Variants in GFOD1 observed in about 807,000 individuals in gnomAD.
The protein encoded by GFOD1 is glucose-fructose oxidoreductase domain-containing protein 1.
In GFOD1, 9 loss-of-function variants were observed where a neutral mutation model predicts 25.4. The observed-to-expected ratio is 0.35, with a 90% CI of 0.21 to 0.62. GFOD1 has a LOEUF of 0.62. Ranked by LOEUF, GFOD1 falls within the 20% of genes least tolerant of loss-of-function variation. GFOD1 has a pLI of 0.72. For synonymous variants in GFOD1, 253 were observed against 245.6 expected (o/e 1.03, Z -0.28); for missense variants, 403 against 556.9 (o/e 0.72, Z 2.78).
At chr6:13,437,197 C>T (rs1757847085) in intron 1 of GFOD1, among the ~76,000 whole-genome samples, 1 of 152,048 alleles carries the variant, frequency 6.6e-6, no homozygotes, top group Admixed American at 6.5e-5. Context: ...CTCCCAATAC[C>T]CAACCTGGTA....
chr6:13,390,835 A>G (rs1466041598), intron 1 of GFOD1, among the ~76,000 whole-genome samples: 1 of 125,910 alleles, frequency 7.9e-6, no homozygotes, highest in African/African-American at 2.7e-5. Context: ...AAGGATAATA[A>G]CAGTATCTAC....
chr6:13,462,982 T>C (rs1758317661), intron 1 of GFOD1, among the ~76,000 whole-genome samples: 1 of 152,230 alleles, frequency 6.6e-6, no homozygotes, highest in Non-Finnish European at 1.5e-5. Context: ...TCAGCGAAGA[T>C]GGGCTGCTAA....
Position 13,364,766 on chromosome 6 carries a change from T to C in GFOD1, c.1150A>G (p.Ser384Gly), listed in dbSNP as rs756599227. 6.2e-6 allele frequency: 10 copies of C among 1,613,160 alleles called. No individual in the cohort carries two copies. Among genetic ancestry groups the C allele is most frequent in the Non-Finnish European group, 8.5e-6 (10 of 1,179,692 alleles). Residue 384 changes from serine (S) to glycine (G), a missense_variant, in exon 2 of 2, where the codon AGC becomes GGC. Coordinates refer to ENST00000379287, the MANE Select transcript of GFOD1 (RefSeq NM_018988.4). This position sits in a 1 kb window ranked among gnomAD's most constrained non-coding sequence, Gnocchi z 4.1. Reference sequence around the variant, plus strand: ...TGCTAACAGTAGAGGGACATCCTGCTGCGGCGCATGGCCTCGCTGATCAGG... The same window carrying C: ...TGCTAACAGTAGAGGGACATCCTGCCGCGGCGCATGGCCTCGCTGATCAGG... ...AYLISEAMRRSRMSLYC is the reference protein window; with the variant it reads ...AYLISEAMRRGRMSLYC
At position 13,486,175 on chromosome 6, in the gene GFOD1, T is replaced by C. The variant is rs917584561; in HGVS notation, c.253+463A>G. On this transcript the variant is annotated intron_variant, in intron 1 of 1. Coordinates refer to ENST00000379287, the MANE Select transcript of GFOD1 (RefSeq NM_018988.4). ...AACCCGACACACGTGTGCGGCCTTTTATTCAGGCGTTTCTGGGCGCGCACT... is the reference window on the plus strand; with the variant it reads ...AACCCGACACACGTGTGCGGCCTTTCATTCAGGCGTTTCTGGGCGCGCACT... 79 of 991,090 alleles carry C rather than the reference T, an allele frequency of 8.0e-5. No homozygotes were observed. The African/African-American group carries it at 1.1e-3, about 14-fold the overall frequency. The allele number at this position is 991,090 out of a possible 1,614,324, so 61.4% of individuals were successfully genotyped here.
chr6:13,404,256 T>C (rs1785905282), intron 1 of GFOD1, among the ~76,000 whole-genome samples: 6 of 152,208 alleles, frequency 3.9e-5, no homozygotes, highest in Admixed American at 3.3e-4. Flanking sequence ...AGCCTTTTCT[T>C]GCACCAGGAA....
rs182289168 is a variant in GFOD1, at chr6:13,370,217, G to A, written c.254-4555C>T. 3.2e-4 allele frequency among the ~76,000 whole-genome samples: 49 copies of A among 152,244 alleles called. 1 individual carries two copies. The highest frequency in any genetic ancestry group is 3.4e-3 in the Middle Eastern group (1 of 294). On this transcript the variant is annotated intron_variant, in intron 1 of 1. Coordinates refer to ENST00000379287, the MANE Select transcript of GFOD1 (RefSeq NM_018988.4). The stretch of plus-strand genomic sequence containing the variant: ...TCAGAAGCCCGGGCTCTGTTGCCAG[G>A]TCTTCTTGCTCCATTTGCTCAAGAC...
chr6:13,404,005 T>C (rs565895476), intron 1 of GFOD1, among the ~76,000 whole-genome samples: 2 of 152,192 alleles, frequency 1.3e-5, no homozygotes, highest in African/African-American at 2.4e-5. Context: ...TGGGAAGTTA[T>C]AGATGAAATA....
rs80243188 is a variant in GFOD1, at chr6:13,453,546, T to A, written c.253+33092A>T. ...ATAAATCTAAAAATTCAGGTGGCAATGTCCTTATTCCTTTCAATTCACCCT... is the reference window on the plus strand; with the variant it reads ...ATAAATCTAAAAATTCAGGTGGCAAAGTCCTTATTCCTTTCAATTCACCCT... On this transcript the variant is annotated intron_variant, in intron 1 of 1. Transcript: ENST00000379287. Among the ~76,000 whole-genome samples the A allele has an allele frequency of 8.5e-3, 1,298 of 152,340 alleles. 12 individuals carry two copies. The highest frequency in any genetic ancestry group is 0.03 in the African/African-American group (1,238 of 41,572).
chr6:13,444,346 G>C (rs751799742), intron 1 of GFOD1, among the ~76,000 whole-genome samples: 15 of 151,638 alleles, frequency 9.9e-5, no homozygotes, highest in Non-Finnish European at 2.1e-4. Flanking sequence ...CAACAGACAC[G>C]CGGGTCTCCT....
At chr6:13,445,367 C>T (rs1016766794) in intron 1 of GFOD1, among the ~76,000 whole-genome samples, 2 of 152,196 alleles carry the variant, frequency 1.3e-5, no homozygotes, top group African/African-American at 2.4e-5. Flanking sequence ...AATCTCCTAT[C>T]GATCACAGTA....
intron 1 of GFOD1, among the ~76,000 whole-genome samples, chr6:13,437,478 T>G (rs1757851755): frequency 6.6e-6 from 1 of 152,216 alleles, no homozygotes; most frequent in Non-Finnish European, 1.5e-5. Flanking sequence ...CACTGAGGAC[T>G]TGAAATGTGG....
At chr6:13,399,906 A>T (rs187454055) in intron 1 of GFOD1, among the ~76,000 whole-genome samples, 2 of 152,356 alleles carry the variant, frequency 1.3e-5, no homozygotes, top group East Asian at 3.9e-4. Context: ...TTACCTCAAC[A>T]AAAGTAGCAG....
intron 1 of GFOD1, among the ~76,000 whole-genome samples, chr6:13,422,687 T>C (rs775669872): frequency 6.6e-6 from 1 of 152,200 alleles, no homozygotes. Flanking sequence ...ATTCAGATCA[T>C]TTCCATCTAA....
At chr6:13,411,361 G>A (rs780836259) in intron 1 of GFOD1, among the ~76,000 whole-genome samples, 9 of 152,062 alleles carry the variant, frequency 5.9e-5, no homozygotes, top group African/African-American at 2.2e-4. Flanking sequence ...GCGCGATACC[G>A]GCTCACAGCA....
intron 1 of GFOD1, among the ~76,000 whole-genome samples, chr6:13,386,405 C>T (rs1382899183): frequency 6.6e-6 from 1 of 152,208 alleles, no homozygotes; most frequent in Non-Finnish European, 1.5e-5. Flanking sequence ...AGCACCTGGC[C>T]TGACTGTGAA....
At chr6:13,381,327 T>C (rs1162694718) in intron 1 of GFOD1, among the ~76,000 whole-genome samples, 2 of 152,212 alleles carry the variant, frequency 1.3e-5, no homozygotes, top group African/African-American at 4.8e-5. Context: ...TGCTTGGTGA[T>C]GTCAGGTGGC....
intron 1 of GFOD1, among the ~76,000 whole-genome samples, chr6:13,409,201 G>GAA (rs375074286): frequency 0.013 from 633 of 48,162 alleles, 45 homozygotes; most frequent in South Asian, 0.039. Flanking sequence ...AAGAAAGAAA[G>GAA]AGAAAGAAGG....
At chr6:13,410,577 GGAGAGAGAGAGAGAGA>G (rs10530261) in intron 1 of GFOD1, among the ~76,000 whole-genome samples, 84,073 of 128,390 alleles carry the variant, frequency 0.65, 28,289 homozygotes, top group South Asian at 0.77. Flanking sequence ...AAGAAAGAAA[GGAGAGAGAGAGAGAGA>G]GAGAGAGAGA....
At chr6:13,470,403 T>G in intron 1 of GFOD1, 1 of 1,549,648 alleles carries the variant, frequency 6.5e-7, no homozygotes, top group Non-Finnish European at 8.7e-7. Flanking sequence ...AGGCTGCCTC[T>G]GTGCCCTGGA....
Sources: gnomAD v4.1 joint callset for allele counts (sites outside exome capture counted in the v4.1 genomes callset) on GRCh38, gnomAD v4.1.1 for gene constraint, Gnocchi (gnomAD v3.1) non-coding constraint, MANE v1.5 for transcripts, NCBI Gene and HGNC (gene_info 2026-07-23, HGNC 2026-07-21) for gene names.